ALS2: variants seen among roughly 807,000 people sequenced by gnomAD.
ALS2 encodes alsin.
In ALS2, 117 loss-of-function variants were observed where a neutral mutation model predicts 203.4. That is an observed-to-expected ratio of 0.58 (90% CI 0.50 to 0.67). ALS2 has a LOEUF of 0.67. Ranked by LOEUF, ALS2 falls within the 30% of genes least tolerant of loss-of-function variation. The probability of loss-of-function intolerance (pLI) is 0.00; values close to 1 mark genes in which losing one functional copy is unlikely to be tolerated. For missense variants in ALS2, 1,715 were observed against 1,989.4 expected, an observed-to-expected ratio of 0.86 and a Z score of 2.62; for synonymous variants, 718 against 725.9, an observed-to-expected ratio of 0.99 and a Z score of 0.17.
chr2:201,761,192 C>T lies in ALS2; in HGVS notation c.802G>A (p.Ala268Thr), dbSNP rs2106088370. 1 of 1,614,188 alleles carries T rather than the reference C, an allele frequency of 6.2e-7. No homozygotes were observed. The highest frequency in any genetic ancestry group is 1.3e-5 in the African/African-American group (1 of 75,034). The change falls in exon 4 of 34, where the codon GCA becomes ACA. Residue 268 changes from alanine (A) to threonine (T), a missense_variant. Physicochemically the swap from Ala to Thr is moderately conservative, Grantham distance 58. Transcript: ENST00000264276. The part of the protein sequence containing the change: ...PLGVTLTESQ[A>T]ENHASTALSP... Reference sequence around the variant, plus strand: ...AGAGCAGTGCTGGCATGGTTTTCTGCCTGAGATTCTGTCAGTGTCACACCT... The same window carrying T: ...AGAGCAGTGCTGGCATGGTTTTCTGTCTGAGATTCTGTCAGTGTCACACCT...
chr2:201,701,904 C>A lies in ALS2; in HGVS notation c.4936-15G>T. The A allele has an allele frequency of 6.2e-7, 1 of 1,612,926 alleles. No individual in the cohort carries two copies. Among genetic ancestry groups the A allele is most frequent in the South Asian group, 1.1e-5 (1 of 91,006 alleles). ...TAGTAACATGCCTGGAAGAAAAGTT[C>A]AAAATAATTTCAAATTCACTTTTAA... On this transcript the variant is annotated splice_polypyrimidine_tract_variant and intron_variant, in intron 33 of 33. Transcript: ENST00000264276.
chr2:201,727,797 C>T (rs1410618846), intron 15 of ALS2, 22 bp from the exon 16 acceptor site: 1 of 1,550,676 alleles, frequency 6.4e-7, no homozygotes, highest in East Asian at 2.4e-5. Context: ...AACACGGAGG[C>T]ACTTTTATGA....
Position 201,733,460 on chromosome 2 carries a change from AT to A in ALS2, c.2418-23del, listed in dbSNP as rs754127257. The A allele has an allele frequency of 4.0e-5, 64 of 1,607,118 alleles. No homozygotes were observed. In the African/African-American group the frequency reaches 4.0e-4, roughly 10 times the overall value. ...ATCACTAGAGGCAGAGGAAAAAAAA[AT>A]TTAGTTAATCATTTTGGAATTGGTA... On this transcript the variant is annotated intron_variant, in intron 12 of 33. Transcript: ENST00000264276.
chr2:201,741,926 T>C (rs1692296734), intron 10 of ALS2, 72 bp from the exon 11 acceptor site: 2 of 1,322,900 alleles, frequency 1.5e-6, no homozygotes, highest in Admixed American at 1.9e-5. Context: ...GTGATTATGA[T>C]TATGAATTCC....
chr2:201,729,087 G>A lies in ALS2; in HGVS notation c.2677C>T (p.Leu893=). ...CCGGGGAAGGTCTTCCAGAAGCCCA[G>A]TGTGTATTCTGCTTCCTTCCTTTTC... ...GRKRKEAEYT[L]GFWKTFPGKM... Residue 893 remains leucine (L), a synonymous_variant, in exon 14 of 34, where the codon CTG becomes TTG. Transcript: ENST00000264276. 3 of 1,614,112 alleles carry A rather than the reference G, an allele frequency of 1.9e-6. No individual in the cohort carries two copies. The East Asian group carries it at 6.7e-5, about 36-fold the overall frequency.
intron 1 of ALS2, among the ~76,000 whole-genome samples, chr2:201,777,742 CAT>C (rs1438622989): frequency 1.3e-5 from 2 of 152,106 alleles, no homozygotes; most frequent in African/African-American, 4.8e-5. Context: ...TAGATATACA[CAT>C]ATCAATAAAT....
At chr2:201,740,121 T>C (rs944456764) in intron 11 of ALS2, among the ~76,000 whole-genome samples, 2 of 152,098 alleles carry the variant, frequency 1.3e-5, no homozygotes, top group African/African-American at 4.8e-5. Context: ...GCCCAGGAGT[T>C]TGAGACCAGC....
At position 201,730,484 on chromosome 2, in the gene ALS2, C is replaced by T. The variant is rs555746112; in HGVS notation, c.2581-1301G>A. ...GATCCATCTCTAACATTCTAATTTT[C>T]GCTTAAAAGTTGAGATTTTATTATT... On this transcript the variant is annotated intron_variant, in intron 13 of 33. Transcript: ENST00000264276. 3.9e-5 allele frequency among the ~76,000 whole-genome samples: 6 copies of T among 152,268 alleles called. No homozygotes were observed. In the South Asian group the frequency reaches 6.2e-4, roughly 16 times the overall value.
intron 24 of ALS2, among the ~76,000 whole-genome samples, chr2:201,717,225 G>T (rs898564686): frequency 6.6e-6 from 1 of 152,080 alleles, no homozygotes; most frequent in Non-Finnish European, 1.5e-5. Flanking sequence ...AGCACTTTGA[G>T]AGGCCAAAGT....
intron 23 of ALS2, among the ~76,000 whole-genome samples, chr2:201,721,484 T>C (rs1336131155): frequency 6.6e-6 from 1 of 152,174 alleles, no homozygotes; most frequent in Admixed American, 6.5e-5. Context: ...GAAATGTAAC[T>C]GAGAGACCAG....
intron 31 of ALS2, among the ~76,000 whole-genome samples, 178 bp from the exon 32 acceptor site, chr2:201,704,781 C>G (rs1308919116): frequency 5.9e-5 from 9 of 152,152 alleles, no homozygotes; most frequent in Admixed American, 5.9e-4. Flanking sequence ...GAAAAGTAGC[C>G]TCCAACTGTC....
intron 4 of ALS2, 158 bp downstream of exon 4, chr2:201,760,723 T>A: frequency 7.0e-7 from 1 of 1,431,532 alleles, no homozygotes; most frequent in Non-Finnish European, 9.1e-7. Flanking sequence ...TTAATCCAGG[T>A]TCTTTCCTTT....
intron 1 of ALS2, chr2:201,778,568 C>T (rs746806348): frequency 9.9e-5 from 15 of 151,948 alleles, no homozygotes; most frequent in Non-Finnish European, 1.9e-4. Flanking sequence ...AAGAAACAAG[C>T]CAGAGATTGT....
At chr2:201,780,486 C>T (rs1248966172) in intron 1 of ALS2, among the ~76,000 whole-genome samples, 1 of 152,238 alleles carries the variant, frequency 6.6e-6, no homozygotes, top group African/African-American at 2.4e-5. Flanking sequence ...TTTATCAGCT[C>T]AGCGCCTAGT....
chr2:201,738,786 C>A (rs760143590), intron 11 of ALS2, 51 bp from the exon 12 acceptor site: 1 of 1,466,216 alleles, frequency 6.8e-7, no homozygotes. Context: ...TAAATTAGTT[C>A]TTCAGTTTCC....
intron 12 of ALS2, among the ~76,000 whole-genome samples, chr2:201,734,932 T>A (rs1484686804): frequency 6.6e-6 from 1 of 151,726 alleles, no homozygotes. Flanking sequence ...AATAAAAAAA[T>A]ATTAAAGGTA....
At chr2:201,733,966 G>A (rs999046177) in intron 12 of ALS2, among the ~76,000 whole-genome samples, 1 of 152,114 alleles carries the variant, frequency 6.6e-6, no homozygotes, top group Non-Finnish European at 1.5e-5. Flanking sequence ...AAAGCTGCAA[G>A]AACTAGTATT....
chr2:201,748,864 T>C (rs550703710), intron 8 of ALS2, among the ~76,000 whole-genome samples: 1 of 152,356 alleles, frequency 6.6e-6, no homozygotes, highest in South Asian at 2.1e-4. Context: ...ATATGAATTA[T>C]TGGCATATTT....
At chr2:201,734,539 T>G (rs997581011) in intron 12 of ALS2, among the ~76,000 whole-genome samples, 1 of 152,148 alleles carries the variant, frequency 6.6e-6, no homozygotes, top group African/African-American at 2.4e-5. Flanking sequence ...TGTTCCTACT[T>G]CTTTCTCCAC....
Sources: gnomAD v4.1 joint callset for allele counts (sites outside exome capture counted in the v4.1 genomes callset) on GRCh38, gnomAD v4.1.1 for gene constraint, MANE v1.5 for transcripts, NCBI Gene and HGNC (gene_info 2026-07-23, HGNC 2026-07-21) for gene names.